Variants in PPP2R1B observed in about 807,000 individuals in gnomAD.
The protein encoded by PPP2R1B is protein phosphatase 2 scaffold subunit Abeta.
Under a neutral mutation model 72.7 loss-of-function variants are expected in PPP2R1B, and 58 were observed. The observed-to-expected ratio is 0.80, with a 90% confidence interval of 0.65 to 0.99. The LOEUF is 0.99. PPP2R1B is among the 50% of genes least tolerant of loss of function. The pLI, the probability that PPP2R1B is intolerant of heterozygous loss-of-function variation, is 0.00. For missense variants in PPP2R1B, 695 were observed against 733.6 expected (o/e 0.95, Z 0.61); for synonymous variants, 256 against 264.6 (o/e 0.97, Z 0.32).
Position 111,756,985 on chromosome 11 carries a change from G to T in PPP2R1B, c.688-1535C>A, listed in dbSNP as rs376110580. Among the ~76,000 whole-genome samples the T allele has an allele frequency of 2.0e-5, 3 of 151,952 alleles. No homozygotes were observed. In the South Asian group the frequency reaches 6.3e-4, roughly 32 times the overall value. The stretch of plus-strand genomic sequence containing the variant: ...AAAAATTAGCCAGGCATGGTGGCAC[G>T]TGCCTGTAATCCCAGCTACTCAGGT... On this transcript the variant is annotated intron_variant, in intron 5 of 14. Transcript: ENST00000527614.
the PPP2R1B span, among the ~76,000 whole-genome samples, chr11:111,689,229 A>G: frequency 6.6e-6 from 1 of 152,218 alleles, no homozygotes; most frequent in Admixed American, 6.5e-5. Context: ...CTTGAATGCC[A>G]TGTCAAAGAT....
In PPP2R1B at chr11:111,755,450, C is replaced by G; in HGVS notation, c.688G>C (p.Asp230His). The G allele has an allele frequency of 1.3e-6, 2 of 1,595,662 alleles. No individual in the cohort carries two copies. Among genetic ancestry groups the G allele is most frequent in the South Asian group, 2.3e-5 (2 of 87,504 alleles). Residue 230 changes from aspartate to histidine, a missense_variant and splice_region_variant, in exon 6 of 15, where the codon GAT (aspartate) becomes CAT (histidine). Asp to His is a moderately conservative substitution (Grantham distance 81). Coordinates refer to ENST00000527614, the MANE Select transcript of PPP2R1B (RefSeq NM_002716.5). ...LFTSLASDEQ[D>H]SVRLLAVEAC... Reference sequence around the variant, plus strand: ...TCCACAGCAAGGAGGCGCACTGAATCCTAAAGGAACAAAATTTCTGTAATT... The same window carrying G: ...TCCACAGCAAGGAGGCGCACTGAATGCTAAAGGAACAAAATTTCTGTAATT...
Position 111,741,727 on chromosome 11 carries a change from G to A in PPP2R1B, c.1790-115C>T, listed in dbSNP as rs375126929. The A allele has an allele frequency of 4.0e-5, 48 of 1,187,080 alleles. 2 individuals are homozygous for A. Among genetic ancestry groups the A allele is most frequent in the East Asian group, 3.1e-4 (13 of 42,116 alleles). 73.5% of individuals were successfully genotyped at this position (1,187,080 alleles called of 1,614,324 possible). ...CGTATCAAACTAACAACTTCTCACT[G>A]TGGTTACTGTCTTTACTCAGCCAGG... On this transcript the variant is annotated intron_variant, in intron 14 of 14. Transcript: ENST00000527614.
chr11:111,754,748 A>C (rs1945038772), intron 7 of PPP2R1B, among the ~76,000 whole-genome samples, 179 bp from the exon 8 acceptor site: 3 of 152,176 alleles, frequency 2.0e-5, no homozygotes, highest in Admixed American at 6.5e-5. Context: ...TGCATATCAC[A>C]CCAATCCAAC....
the PPP2R1B span, among the ~76,000 whole-genome samples, chr11:111,707,136 G>C: frequency 1.3e-5 from 2 of 152,128 alleles, no homozygotes; most frequent in African/African-American, 2.4e-5. Flanking sequence ...AAGACGTAGT[G>C]GAACTCTTTC....
the PPP2R1B span, among the ~76,000 whole-genome samples, chr11:111,709,458 G>A: frequency 7.5e-3 from 1,136 of 152,314 alleles, 8 homozygotes; most frequent in Middle Eastern, 0.061. Context: ...AGGAAAGAAC[G>A]TTATTTTCAT....
chr11:111,719,894 C>T, the PPP2R1B span: 292 of 1,614,076 alleles, frequency 1.8e-4, 1 homozygote, highest in East Asian at 5.4e-3. Flanking sequence ...AAGGAGAGGC[C>T]GAGGAAGACC....
At chr11:111,761,716 C>T (rs868913963) in intron 3 of PPP2R1B, among the ~76,000 whole-genome samples, 2 of 152,148 alleles carry the variant, frequency 1.3e-5, no homozygotes, top group African/African-American at 4.8e-5. Flanking sequence ...TCCCAGCCGT[C>T]GGGAGGCCGA....
At chr11:111,761,078 A>C in intron 3 of PPP2R1B, 27 bp from the exon 4 acceptor site, 1 of 1,577,390 alleles carries the variant, frequency 6.3e-7, no homozygotes, top group South Asian at 1.1e-5. Context: ...GGAAAACCAG[A>C]GAAGAAAACT....
chr11:111,765,829 G>A, intron 1 of PPP2R1B: 1 of 475,434 alleles, frequency 2.1e-6, no homozygotes, highest in Non-Finnish European at 4.2e-6. Flanking sequence ...AAGCCGAGAT[G>A]AAGGGATCCA....
the PPP2R1B span, chr11:111,701,026 G>T: frequency 1.9e-5 from 30 of 1,611,884 alleles, no homozygotes; most frequent in Admixed American, 1.0e-4. The surrounding 1 kb of genome is among the most constrained non-coding windows in gnomAD (Gnocchi z 4.2). Context: ...GCTTTGCTTT[G>T]CTGTGTTGTT....
At position 111,739,025 on chromosome 11, in the gene PPP2R1B, T is replaced by A. The variant is rs1378722279; in HGVS notation, c.*2571A>T. On this transcript the variant is annotated 3_prime_UTR_variant, in exon 15 of 15. Transcript: ENST00000527614. ...GCAATCAGACAAATCCACACAGAAC[T>A]GTAGTCTAAGCCAGGGGACCAGAAA... The A allele has an allele frequency of 1.0e-6, 1 of 985,134 alleles. No individual in the cohort carries two copies. The highest frequency in any genetic ancestry group is 1.7e-5 in the African/African-American group (1 of 57,164). The allele number at this position is 985,134 out of a possible 1,614,324, so 61.0% of individuals were successfully genotyped here.
the PPP2R1B span, among the ~76,000 whole-genome samples, chr11:111,706,492 A>C: frequency 1.3e-5 from 2 of 152,230 alleles, no homozygotes; most frequent in African/African-American, 4.8e-5. Context: ...TGTTCAAAAC[A>C]AAAATAAGGG....
At chr11:111,721,747 C>G in the PPP2R1B span, 1 of 1,015,954 alleles carries the variant, frequency 9.8e-7, no homozygotes, top group Non-Finnish European at 1.4e-6. Flanking sequence ...TCCTATTGGA[C>G]ATTGCAAAGG....
At chr11:111,717,132 G>T in the PPP2R1B span, among the ~76,000 whole-genome samples, 181 of 151,902 alleles carry the variant, frequency 1.2e-3, no homozygotes, top group African/African-American at 4.2e-3. Flanking sequence ...GGCTAACATG[G>T]TGAAACCCCA....
chr11:111,712,657 T>C, the PPP2R1B span, among the ~76,000 whole-genome samples: 1 of 152,204 alleles, frequency 6.6e-6, no homozygotes, highest in Non-Finnish European at 1.5e-5. Flanking sequence ...TCTTCAAGTT[T>C]CCAGATCTCT....
At chr11:111,751,221 C>T (rs1417458438) in intron 10 of PPP2R1B, among the ~76,000 whole-genome samples, 3 of 152,128 alleles carry the variant, frequency 2.0e-5, no homozygotes, top group Admixed American at 6.5e-5. Flanking sequence ...GGACATTTTG[C>T]TTAGAATACA....
chr11:111,751,011 GT>G (rs2136073945), intron 10 of PPP2R1B, among the ~76,000 whole-genome samples: 1 of 152,156 alleles, frequency 6.6e-6, no homozygotes, highest in Admixed American at 6.5e-5. Flanking sequence ...GCTAATTTTT[GT>G]ATTTTTAGTA....
chr11:111,720,111 C>G, the PPP2R1B span: 1 of 1,084,784 alleles, frequency 9.2e-7, no homozygotes, highest in East Asian at 2.6e-5. Context: ...GAGTCGATAG[C>G]TTATTCCTTT....
Sources: allele counts gnomAD v4.1 joint callset (sites outside exome capture counted in the v4.1 genomes callset), GRCh38; gene constraint gnomAD v4.1.1; non-coding constraint Gnocchi (gnomAD v3.1); transcripts MANE v1.5; gene names NCBI Gene and HGNC (gene_info 2026-07-23, HGNC 2026-07-21).